DSTYK: variants seen among roughly 807,000 people sequenced by gnomAD.
The protein encoded by DSTYK is RIP-homologous kinase.
In DSTYK, 34 loss-of-function variants were observed where a neutral mutation model predicts 98.7. The observed-to-expected ratio is 0.34, with a 90% CI of 0.26 to 0.46. The LOEUF is 0.46. DSTYK is among the 20% of genes least tolerant of loss of function. The probability of loss-of-function intolerance (pLI) is 1.00; values close to 1 mark genes in which losing one functional copy is unlikely to be tolerated. For missense variants in DSTYK, 962 were observed against 1,181.7 expected, an observed-to-expected ratio of 0.81 and a Z score of 2.73; for synonymous variants, 462 against 457.3, an observed-to-expected ratio of 1.01 and a Z score of -0.13.
intron 6 of DSTYK, 70 bp downstream of exon 6, chr1:205,161,966 C>T (rs183607540): frequency 2.7e-5 from 40 of 1,508,520 alleles, no homozygotes; most frequent in African/African-American, 2.6e-4. Context: ...GAGCGGAGAG[C>T]GAAATATTCC....
chr1:205,175,057 T>C (rs1205699740), intron 2 of DSTYK, among the ~76,000 whole-genome samples: 1 of 146,230 alleles, frequency 6.8e-6, no homozygotes, highest in Admixed American at 6.9e-5. Flanking sequence ...GGCTTTCTAA[T>C]GGTAGAGTAT....
In DSTYK at chr1:205,187,823, A is replaced by G. The variant is rs758774788; in HGVS notation, c.266-17T>C. On this transcript the variant is annotated splice_polypyrimidine_tract_variant and intron_variant, in intron 1 of 12. Coordinates refer to ENST00000367162, the MANE Select transcript of DSTYK (RefSeq NM_015375.3). ...TCAGTTGGCCTGGTTGGGGAAGGGG[A>G]GAGTGGAGGAAGAGAAAGGAGTAGA... 1.3e-5 allele frequency: 20 copies of G among 1,592,428 alleles called. No individual in the cohort carries two copies. The Admixed American group carries it at 3.5e-4, about 28-fold the overall frequency.
chr1:205,206,568 C>T (rs1408766770), intron 1 of DSTYK, among the ~76,000 whole-genome samples: 2 of 150,222 alleles, frequency 1.3e-5, no homozygotes, highest in African/African-American at 4.9e-5. Flanking sequence ...CGTGAGCCAC[C>T]GCACCTGGCC....
intron 2 of DSTYK, among the ~76,000 whole-genome samples, chr1:205,174,432 G>T (rs894988378): frequency 3.3e-4 from 50 of 149,928 alleles, no homozygotes; most frequent in Non-Finnish European, 4.4e-4. Context: ...AGAATCACTT[G>T]AACCCAGAAG....
At chr1:205,157,464 A>G in intron 9 of DSTYK, 78 bp from the exon 10 acceptor site, 1 of 1,207,480 alleles carries the variant, frequency 8.3e-7, no homozygotes, top group Non-Finnish European at 1.2e-6. Context: ...GCACATGAGG[A>G]CAGAAAAGTG....
intron 2 of DSTYK, among the ~76,000 whole-genome samples, chr1:205,170,066 C>A (rs942023528): frequency 2.2e-4 from 33 of 152,258 alleles, no homozygotes; most frequent in African/African-American, 7.5e-4. Flanking sequence ...GGATGGCAAC[C>A]CCTTTAGCCA....
intron 8 of DSTYK, 131 bp downstream of exon 8, chr1:205,159,983 G>A: frequency 1.8e-6 from 2 of 1,082,876 alleles, no homozygotes; most frequent in East Asian, 4.7e-5. Flanking sequence ...CTGAAAGGGA[G>A]CACATGTCTG....
intron 2 of DSTYK, among the ~76,000 whole-genome samples, chr1:205,186,190 C>T (rs1204280679): frequency 3.3e-5 from 5 of 152,038 alleles, no homozygotes; most frequent in African/African-American, 1.2e-4. Flanking sequence ...ACTGAACATG[C>T]CACAGTTAAT....
rs760498805 is a variant in DSTYK, at chr1:205,187,540, C to T, written c.532G>A (p.Val178Ile). Residue 178 changes from valine (V) to isoleucine (I), a missense_variant, in exon 2 of 13, where the codon GTT (valine) becomes ATT (isoleucine). Val to Ile is a conservative substitution (Grantham distance 29). This residue lies in a region of DSTYK where 660 missense variants were observed against 855.0 expected (regional missense o/e 0.77). Coordinates refer to ENST00000367162, the MANE Select transcript of DSTYK (RefSeq NM_015375.3). The part of the protein sequence containing the change: ...PGQYELVHTL[V>I]AHQGNWETIP... ...GTCTCCCAGTTGCCCTGATGAGCAA[C>T]CAGCGTGTGCACTAGTTCATACTGT... 8 of 1,614,030 alleles carry T rather than the reference C, an allele frequency of 5.0e-6. No individual in the cohort carries two copies. Among genetic ancestry groups the T allele is most frequent in the African/African-American group, 4.0e-5 (3 of 74,904 alleles).
At chr1:205,167,301 G>A (rs988658716) in intron 3 of DSTYK, among the ~76,000 whole-genome samples, 1 of 152,168 alleles carries the variant, frequency 6.6e-6, no homozygotes, top group African/African-American at 2.4e-5. Flanking sequence ...GCAGGGGGCT[G>A]AGGCAGGAGG....
chr1:205,159,943 G>A (rs969874188), intron 8 of DSTYK, 171 bp downstream of exon 8: 3 of 863,976 alleles, frequency 3.5e-6, no homozygotes, highest in African/African-American at 1.7e-5. Flanking sequence ...TTAGGATGGT[G>A]GGGAAAGAGC....
intron 2 of DSTYK, among the ~76,000 whole-genome samples, chr1:205,181,732 G>A (rs1393142941): frequency 6.7e-6 from 1 of 149,760 alleles, no homozygotes; most frequent in Non-Finnish European, 1.5e-5. Flanking sequence ...TTGAGATAGG[G>A]TCTCACTCTG....
chr1:205,211,333 G>A lies in DSTYK; in HGVS notation c.203C>T (p.Thr68Met), dbSNP rs765444355. 5 of 1,611,536 alleles carry A rather than the reference G, an allele frequency of 3.1e-6. No individual in the cohort carries two copies. The highest frequency in any genetic ancestry group is 4.5e-5 in the East Asian group (2 of 44,718). ...GCCGCGCTCGGCCCCGCCGCCGCCCGTGAGGGAGGAGAGACAAGTGTGGTT... is the reference window on the plus strand; with the variant it reads ...GCCGCGCTCGGCCCCGCCGCCGCCCATGAGGGAGGAGAGACAAGTGTGGTT... ...SHNHTCLSSL[T>M]GGGGAERGPA... Residue 68 changes from threonine to methionine, a missense_variant, in exon 1 of 13, where the codon ACG (threonine) becomes ATG (methionine). By Grantham distance (81) the Thr-to-Met change is moderately conservative (BLOSUM62 -1). Around this residue, in one of 4 missense-constraint regions of DSTYK, gnomAD observed 168 missense variants for 120.0 expected, o/e 1.40. Transcript: ENST00000367162.
Position 205,203,447 on chromosome 1 carries a change from A to G in DSTYK, c.265+7824T>C, listed in dbSNP as rs113523939. On this transcript the variant is annotated intron_variant, in intron 1 of 12. Coordinates refer to ENST00000367162, the MANE Select transcript of DSTYK (RefSeq NM_015375.3). ...CAGTGAGCCAAGATCCAGCCTGGGC[A>G]ACAAGAGTGAGACTGTCTCAAAAAA... Among the ~76,000 whole-genome samples the G allele has an allele frequency of 8.0e-3, 1,145 of 143,866 alleles. 19 individuals are homozygous for G. Among genetic ancestry groups the G allele is most frequent in the African/African-American group, 0.029 (1,095 of 38,164 alleles). 94.4% of individuals were successfully genotyped at this position (143,866 alleles called of 152,430 possible). A position where few individuals can be genotyped will look rare whatever the true frequency, so the allele number is the denominator to read the frequency against.
chr1:205,150,840 C>T lies in DSTYK; in HGVS notation c.2353-46G>A. On this transcript the variant is annotated intron_variant, in intron 10 of 12. Coordinates refer to ENST00000367162, the MANE Select transcript of DSTYK (RefSeq NM_015375.3). The surrounding 1 kb of genome is among the most constrained non-coding windows in gnomAD (Gnocchi z 4.1). ...GAGTCACCTTGTTTCTGATCCTGCA[C>T]ACAGCACTGCTGCGTACCTAAGCTC... 2 of 1,459,404 alleles carry T rather than the reference C, an allele frequency of 1.4e-6. No homozygotes were observed. Among genetic ancestry groups the T allele is most frequent in the Non-Finnish European group, 1.9e-6 (2 of 1,039,576 alleles). 90.4% of individuals were successfully genotyped at this position (1,459,404 alleles called of 1,614,324 possible). A position where few individuals can be genotyped will look rare whatever the true frequency, so the allele number is the denominator to read the frequency against.
intron 2 of DSTYK, among the ~76,000 whole-genome samples, chr1:205,183,156 TAAG>T (rs1658468437): frequency 6.6e-6 from 1 of 151,342 alleles, no homozygotes; most frequent in South Asian, 2.1e-4. Context: ...ATCAGATTTG[TAAG>T]AAGAAAGAAA....
chr1:205,186,909 G>A (rs1165499711), intron 2 of DSTYK, among the ~76,000 whole-genome samples: 1 of 152,180 alleles, frequency 6.6e-6, no homozygotes, highest in Non-Finnish European at 1.5e-5. Flanking sequence ...TAAAGTAGGA[G>A]AAATGATCTA....
chr1:205,159,403 G>T lies in DSTYK; in HGVS notation c.2238+144C>A, dbSNP rs914159390. On this transcript the variant is annotated intron_variant, in intron 9 of 12. Coordinates refer to ENST00000367162, the MANE Select transcript of DSTYK (RefSeq NM_015375.3). ...CATGCCCAGCTGAGAAATCTTTAAG[G>T]GTTTTTGGAAATAAGTGAAATAAAC... The T allele has an allele frequency of 3.5e-5, 39 of 1,124,364 alleles. 1 individual carries two copies. The highest frequency in any genetic ancestry group is 2.7e-4 in the Middle Eastern group (1 of 3,728). The allele number at this position is 1,124,364 out of a possible 1,614,324, so 69.6% of individuals were successfully genotyped here.
At chr1:205,209,018 G>A (rs914074500) in intron 1 of DSTYK, among the ~76,000 whole-genome samples, 3 of 152,196 alleles carry the variant, frequency 2.0e-5, no homozygotes, top group Non-Finnish European at 4.4e-5. Context: ...TATCTGGGAT[G>A]GACAGACTCC....
Sources: gnomAD v4.1 joint callset for allele counts (sites outside exome capture counted in the v4.1 genomes callset) on GRCh38, gnomAD v4.1.1 for gene constraint, gnomAD v4.1.1 regional missense constraint, Gnocchi (gnomAD v3.1) non-coding constraint, MANE v1.5 for transcripts, NCBI Gene and HGNC (gene_info 2026-07-23, HGNC 2026-07-21) for gene names.